The following ALKBH1 variants were observed in gnomAD, a reference collection of about 807,000 sequenced individuals.
ALKBH1 encodes the protein alkB homolog 1, histone H2A dioxygenase, also known as nucleic acid dioxygenase ALKBH1.
In ALKBH1, 31 loss-of-function variants were observed where a neutral mutation model predicts 36.6. The ratio of observed to expected loss-of-function variants is 0.85; its 90% CI spans 0.64 to 1.14. The LOEUF is 1.14. ALKBH1 is among the 50% of genes most tolerant of loss of function. The pLI, the probability that ALKBH1 is intolerant of heterozygous loss-of-function variation, is 0.00. For synonymous variants in ALKBH1, 183 were observed against 186.6 expected (o/e 0.98, Z 0.16); for missense variants, 490 against 497.3 (o/e 0.99, Z 0.14).
At chr14:77,687,459 T>C (rs2080273966) in intron 3 of ALKBH1, among the ~76,000 whole-genome samples, 1 of 151,812 alleles carries the variant, frequency 6.6e-6, no homozygotes, top group South Asian at 2.1e-4. Flanking sequence ...CTTTGTCACT[T>C]ATGCAAGCTA....
chr14:77,684,169 G>A (rs1233540823), intron 3 of ALKBH1, among the ~76,000 whole-genome samples: 1 of 152,098 alleles, frequency 6.6e-6, no homozygotes, highest in Admixed American at 6.6e-5. Flanking sequence ...ACATGGCTGG[G>A]TCCAGGCCTA....
intron 2 of ALKBH1, among the ~76,000 whole-genome samples, chr14:77,698,736 G>A (rs993779656): frequency 1.8e-4 from 27 of 152,128 alleles, no homozygotes; most frequent in Admixed American, 1.8e-3. Flanking sequence ...AGATAGTAAA[G>A]ACTAGGCTTC....
Position 77,696,764 on chromosome 14 carries a change from C to T in ALKBH1, c.293-1864G>A, listed in dbSNP as rs575846587. The stretch of plus-strand genomic sequence containing the variant: ...AGGCAGTATGCAGTCAGATAAAGAC[C>T]AAATACGCTGACAGATGAGCAAAGA... On this transcript the variant is annotated intron_variant, in intron 2 of 5. Coordinates refer to ENST00000216489, the MANE Select transcript of ALKBH1 (RefSeq NM_006020.3). 2.0e-5 allele frequency: 3 copies of T among 152,568 alleles called. No homozygotes were observed. In the East Asian group the frequency reaches 5.8e-4, roughly 29 times the overall value. 9.5% of individuals were successfully genotyped at this position (152,568 alleles called of 1,614,324 possible). A position where few individuals can be genotyped will look rare whatever the true frequency, so the allele number is the denominator to read the frequency against.
chr14:77,693,420 A>G lies in ALKBH1; in HGVS notation c.455+1318T>C, dbSNP rs577566387. Among the ~76,000 whole-genome samples, 22 of 152,250 alleles carry G rather than the reference A, an allele frequency of 1.4e-4. No individual in the cohort carries two copies. The East Asian group carries it at 4.3e-3, about 29-fold the overall frequency. On this transcript the variant is annotated intron_variant, in intron 3 of 5. Transcript: ENST00000216489. ...AAGTACAAATTTCTTGAAGACAGGAACTGTTTTTTATCTGCCTTTGAATCT... is the reference window on the plus strand; with the variant it reads ...AAGTACAAATTTCTTGAAGACAGGAGCTGTTTTTTATCTGCCTTTGAATCT...
intron 3 of ALKBH1, among the ~76,000 whole-genome samples, chr14:77,690,470 G>A: frequency 6.6e-6 from 1 of 152,166 alleles, no homozygotes; most frequent in East Asian, 1.9e-4. Flanking sequence ...GTTAATCAAG[G>A]TGGGCCCTTG....
At chr14:77,702,491 TC>T (rs2080364882) in intron 2 of ALKBH1, among the ~76,000 whole-genome samples, 1 of 151,750 alleles carries the variant, frequency 6.6e-6, no homozygotes, top group African/African-American at 2.4e-5. Flanking sequence ...TACCATAGAG[TC>T]CTGGCCATTG....
chr14:77,705,822 A>C (rs2080386370), intron 1 of ALKBH1, among the ~76,000 whole-genome samples: 1 of 152,204 alleles, frequency 6.6e-6, no homozygotes, highest in African/African-American at 2.4e-5. Context: ...TGGGAAGCCA[A>C]GGCAGGTAGA....
At chr14:77,697,885 C>T (rs549694196) in intron 2 of ALKBH1, among the ~76,000 whole-genome samples, 22 of 151,830 alleles carry the variant, frequency 1.4e-4, no homozygotes, top group African/African-American at 3.9e-4. Flanking sequence ...TGGTGGCATA[C>T]GCAGGTAGTC....
intron 1 of ALKBH1, among the ~76,000 whole-genome samples, chr14:77,705,535 T>G (rs1481095592): frequency 6.6e-6 from 1 of 152,088 alleles, no homozygotes; most frequent in Non-Finnish European, 1.5e-5. Context: ...CTGTTTGCCC[T>G]CTTCTAGATG....
chr14:77,681,250 A>C (rs2080236375), intron 3 of ALKBH1, among the ~76,000 whole-genome samples: 1 of 152,208 alleles, frequency 6.6e-6, no homozygotes, highest in Non-Finnish European at 1.5e-5. Context: ...GTACTAAAGT[A>C]AACAGCAGAC....
intron 3 of ALKBH1, among the ~76,000 whole-genome samples, chr14:77,686,526 T>C (rs1486337793): frequency 2.0e-5 from 3 of 152,238 alleles, no homozygotes; most frequent in African/African-American, 7.2e-5. Context: ...GATGGGTGGG[T>C]TGGCCACCTT....
At chr14:77,684,373 T>C (rs1342348006) in intron 3 of ALKBH1, among the ~76,000 whole-genome samples, 2 of 152,196 alleles carry the variant, frequency 1.3e-5, no homozygotes, top group African/African-American at 4.8e-5. Context: ...TTTTTCTTTT[T>C]TTTTTTAGAC....
intron 2 of ALKBH1, among the ~76,000 whole-genome samples, chr14:77,699,856 C>T (rs1047752707): frequency 1.1e-4 from 16 of 152,172 alleles, no homozygotes; most frequent in Non-Finnish European, 2.1e-4. Flanking sequence ...AGATCAAGAC[C>T]ATCCTGGCTA....
At chr14:77,703,013 G>A (rs1487618394) in intron 2 of ALKBH1, among the ~76,000 whole-genome samples, 3 of 151,910 alleles carry the variant, frequency 2.0e-5, no homozygotes, top group Admixed American at 6.6e-5. Flanking sequence ...TTAGCTGGGC[G>A]TGGTGGCATA....
chr14:77,682,616 G>C (rs1438432987), intron 3 of ALKBH1, among the ~76,000 whole-genome samples: 3 of 152,182 alleles, frequency 2.0e-5, no homozygotes, highest in Non-Finnish European at 4.4e-5. Flanking sequence ...AGTAAAAGAT[G>C]AAAGAAGTTG....
intron 3 of ALKBH1, among the ~76,000 whole-genome samples, chr14:77,681,925 T>C (rs764279994): frequency 9.2e-5 from 14 of 152,350 alleles, no homozygotes; most frequent in Admixed American, 2.0e-4. Context: ...TTTGGAGGCA[T>C]GCACCTGGTT....
intron 2 of ALKBH1, among the ~76,000 whole-genome samples, chr14:77,700,078 T>TAA (rs1278360082): frequency 1.3e-5 from 2 of 151,158 alleles, no homozygotes; most frequent in Admixed American, 6.6e-5. Context: ...TAAATAAAAA[T>TAA]AAATAAATAA....
At chr14:77,684,825 G>T (rs113075706) in intron 3 of ALKBH1, among the ~76,000 whole-genome samples, 5 of 152,210 alleles carry the variant, frequency 3.3e-5, no homozygotes, top group African/African-American at 1.2e-4. Flanking sequence ...CGGTACTACA[G>T]ACATGAGCCA....
At chr14:77,685,277 T>C (rs2080261615) in intron 3 of ALKBH1, among the ~76,000 whole-genome samples, 1 of 152,064 alleles carries the variant, frequency 6.6e-6, no homozygotes, top group East Asian at 1.9e-4. Context: ...ACACTGTCTC[T>C]ACTAAAAAAC....
Sources: allele counts gnomAD v4.1 joint callset (sites outside exome capture counted in the v4.1 genomes callset), GRCh38; gene constraint gnomAD v4.1.1; transcripts MANE v1.5; gene names NCBI Gene and HGNC (gene_info 2026-07-23, HGNC 2026-07-21).